The following GNAS variants were observed in gnomAD, a reference collection of about 807,000 sequenced individuals.
GNAS encodes GNAS complex locus.
In GNAS, 8 loss-of-function variants were observed where a neutral mutation model predicts 54.5. The ratio of observed to expected loss-of-function variants is 0.15; its 90% confidence interval spans 0.09 to 0.26. The LOEUF is 0.26. GNAS is among the 10% of genes least tolerant of loss of function. The pLI is 1.00. For synonymous variants in GNAS, 204 were observed against 191.4 expected (o/e 1.07, Z -0.54); for missense variants, 170 against 529.8 (o/e 0.32, Z 6.67).
upstream of GNAS, chr20:58,890,809 C>CGT (rs563599642): frequency 1.4e-3 from 212 of 152,206 alleles, 1 homozygote; most frequent in African/African-American, 4.5e-3. Flanking sequence ...TATTCGTGTT[C>CGT]GTGTGTGTGT....
intron 1 of GNAS, among the ~76,000 whole-genome samples, chr20:58,872,023 C>T (rs1263401531): frequency 6.6e-6 from 1 of 152,142 alleles, no homozygotes; most frequent in African/African-American, 2.4e-5. Flanking sequence ...GGCATCCTCT[C>T]CTCCCCATCT....
chr20:58,855,584 G>T (rs1237436660), intron 1 of GNAS: 1 of 717,732 alleles, frequency 1.4e-6, no homozygotes, highest in Admixed American at 2.0e-5. Context: ...GACACTGAGG[G>T]TCGTTTCCGG....
chr20:58,903,408 C>A, intron 3 of GNAS, 123 bp from the exon 4 acceptor site: 1 of 856,216 alleles, frequency 1.2e-6, no homozygotes, highest in Non-Finnish European at 1.9e-6. Context: ...TTGCACAGAT[C>A]CGAACCCACA....
chr20:58,847,174 G>A (rs962967284), intron 1 of GNAS, among the ~76,000 whole-genome samples: 106 of 152,162 alleles, frequency 7.0e-4, no homozygotes, highest in African/African-American at 2.4e-3. Context: ...CTGAGTGAAG[G>A]GGTCTGAACT....
At chr20:58,899,380 A>C in intron 3 of GNAS, 2 of 519,874 alleles carry the variant, frequency 3.8e-6, no homozygotes, top group East Asian at 9.6e-5. Flanking sequence ...TGATTTTAAA[A>C]TTTCAGACCT....
At chr20:58,840,182 C>T (rs967292772), upstream of GNAS, 2 of 1,611,280 alleles carry the variant, frequency 1.2e-6, no homozygotes, top group African/African-American at 1.3e-5. This position sits in a 1 kb window ranked among gnomAD's most constrained non-coding sequence, Gnocchi z 6.0. Context: ...GCCCATAGGC[C>T]GCCGGGCAGC....
chr20:58,878,268 G>T (rs550348361), intron 1 of GNAS, among the ~76,000 whole-genome samples: 2 of 152,190 alleles, frequency 1.3e-5, no homozygotes, highest in Non-Finnish European at 2.9e-5. Flanking sequence ...ATCGGGCCCC[G>T]GCCCCAGGAG....
In GNAS at chr20:58,900,344, C is replaced by G. The variant is rs2090493367; in HGVS notation, c.257+1359C>G. 3 of 258,878 alleles carry G rather than the reference C, an allele frequency of 1.2e-5. No individual in the cohort carries two copies. The Admixed American group carries it at 1.6e-4, about 14-fold the overall frequency. 16.0% of individuals were successfully genotyped at this position (258,878 alleles called of 1,614,324 possible). On this transcript the variant is annotated intron_variant, in intron 3 of 12. Coordinates refer to ENST00000371085, the MANE Select transcript of GNAS (RefSeq NM_000516.7). ...CCTTGGCCTGCACGTCTCTCTCACT[C>G]TGTTCTGCAAGTCAATATAAGTATT...
chr20:58,905,305 T>A (rs1306045429), intron 5 of GNAS, 78 bp from the exon 6 acceptor site: 1 of 853,436 alleles, frequency 1.2e-6, no homozygotes, highest in East Asian at 2.4e-5. Flanking sequence ...GGAACTCTGG[T>A]CTCAGGGTTT....
At position 58,899,495 on chromosome 20, in the gene GNAS, C is replaced by T. The variant is rs150061093; in HGVS notation, c.257+510C>T. ...TGCAGCAGGTCGTTAAGAATCATCT[C>T]GAAAAGCCTCTGGCCTTTTAAAAAT... On this transcript the variant is annotated intron_variant, in intron 3 of 12. Coordinates refer to ENST00000371085, the MANE Select transcript of GNAS (RefSeq NM_000516.7). The T allele has an allele frequency of 5.5e-4, 298 of 541,478 alleles. 2 individuals carry two copies. The East Asian group carries it at 0.011, about 21-fold the overall frequency. The allele number at this position is 541,478 out of a possible 1,614,324, so 33.5% of individuals were successfully genotyped here.
At chr20:58,885,932 A>G (rs1168599474) in intron 1 of GNAS, among the ~76,000 whole-genome samples, 1 of 152,242 alleles carries the variant, frequency 6.6e-6, no homozygotes, top group Non-Finnish European at 1.5e-5. Flanking sequence ...GGCTATTAAA[A>G]TAATATTATA....
At chr20:58,848,542 G>C (rs1465596891) in intron 1 of GNAS, among the ~76,000 whole-genome samples, 1 of 152,200 alleles carries the variant, frequency 6.6e-6, no homozygotes, top group Non-Finnish European at 1.5e-5. Context: ...TATAATGGCA[G>C]ATCCTAAAAA....
intron 1 of GNAS, among the ~76,000 whole-genome samples, chr20:58,871,815 A>T (rs937383184): frequency 6.6e-6 from 1 of 152,166 alleles, no homozygotes; most frequent in Non-Finnish European, 1.5e-5. Flanking sequence ...TTTAGCTCTA[A>T]GCACCAAATG....
chr20:58,885,949 T>A (rs2088562258), intron 1 of GNAS, among the ~76,000 whole-genome samples: 1 of 152,212 alleles, frequency 6.6e-6, no homozygotes, highest in African/African-American at 2.4e-5. Flanking sequence ...TATAATTACA[T>A]TTGCTCTGGG....
chr20:58,884,893 C>A, intron 1 of GNAS: 1 of 151,654 alleles, frequency 6.6e-6, no homozygotes, highest in Non-Finnish European at 1.5e-5. Flanking sequence ...ATTTGACTTT[C>A]AGTTTTGGAG....
intron 1 of GNAS, among the ~76,000 whole-genome samples, chr20:58,894,158 A>C (rs748712880): frequency 5.9e-5 from 9 of 152,264 alleles, no homozygotes; most frequent in Non-Finnish European, 1.2e-4. Flanking sequence ...AATGATCTTA[A>C]AATAATTTTT....
chr20:58,864,569 A>G (rs889486747), intron 1 of GNAS, among the ~76,000 whole-genome samples: 4 of 152,210 alleles, frequency 2.6e-5, no homozygotes, highest in Non-Finnish European at 5.9e-5. Context: ...TTGATATTTC[A>G]GGTGACCACT....
intron 1 of GNAS, among the ~76,000 whole-genome samples, chr20:58,851,094 T>G (rs1216508845): frequency 6.6e-6 from 1 of 152,192 alleles, no homozygotes; most frequent in Non-Finnish European, 1.5e-5. Flanking sequence ...GTGGGTGTAG[T>G]TGGCCAAAGT....
At chr20:58,844,040 G>C (rs528144563) in intron 1 of GNAS, 1 of 152,348 alleles carries the variant, frequency 6.6e-6, no homozygotes, top group South Asian at 2.1e-4. Flanking sequence ...CTGTGTGGAA[G>C]GTTAAGGAGG....
Sources: gnomAD v4.1 joint callset for allele counts (sites outside exome capture counted in the v4.1 genomes callset) on GRCh38, gnomAD v4.1.1 for gene constraint, Gnocchi (gnomAD v3.1) non-coding constraint, MANE v1.5 for transcripts, NCBI Gene and HGNC (gene_info 2026-07-23, HGNC 2026-07-21) for gene names.